Variants in FOSB observed in about 807,000 individuals in gnomAD.
The protein encoded by FOSB is protein FosB.
A neutral mutation model predicts 31.1 loss-of-function variants in FOSB; 8 were observed. The observed-to-expected ratio is 0.26, with a 90% CI of 0.15 to 0.46. The LOEUF is 0.46. FOSB is among the 20% of genes least tolerant of loss of function. FOSB has a pLI of 0.99. For synonymous variants in FOSB, 214 were observed against 206.1 expected (o/e 1.04, Z -0.33); for missense variants, 376 against 460.6 (o/e 0.82, Z 1.68).
At position 45,472,278 on chromosome 19, in the gene FOSB, A is replaced by G. The variant is rs1967706183; in HGVS notation, c.556-273A>G. Among the ~76,000 whole-genome samples, 1 of 152,190 alleles carries G rather than the reference A, an allele frequency of 6.6e-6. No homozygotes were observed. The highest frequency in any genetic ancestry group is 1.5e-5 in the Non-Finnish European group (1 of 68,032). The stretch of plus-strand genomic sequence containing the variant: ...CACATAACGATTGTTCATTCATTCA[A>G]CAAACCTCCTGCACACCAGAAACTT... On this transcript the variant is annotated intron_variant, in intron 3 of 3. Coordinates refer to ENST00000353609, the MANE Select transcript of FOSB (RefSeq NM_006732.3). The surrounding 1 kb of genome is among the most constrained non-coding windows in gnomAD (Gnocchi z 5.4).
In FOSB at chr19:45,471,024, G is replaced by A. The variant is rs780890753; in HGVS notation, c.447+75G>A. 1.1e-5 allele frequency: 16 copies of A among 1,458,642 alleles called. No homozygotes were observed. In the African/African-American group the frequency reaches 2.1e-4, roughly 19 times the overall value. The allele number at this position is 1,458,642 out of a possible 1,614,324, so 90.4% of individuals were successfully genotyped here. ...GCAGGAAGTTTCTTATGAATGGAGG[G>A]GGGCTCCACTAAGGCCTCAGTGTTA... On this transcript the variant is annotated intron_variant, in intron 2 of 3. Transcript: ENST00000353609.
Position 45,471,271 on chromosome 19 carries a change from G to T in FOSB, c.525G>T (p.Arg175=). 6.4e-7 allele frequency: 1 copy of T among 1,566,774 alleles called. No individual in the cohort carries two copies. Among genetic ancestry groups the T allele is most frequent in the South Asian group, 1.2e-5 (1 of 85,100 alleles). The change falls in exon 3 of 4, where the codon CGG becomes CGT. Residue 175 remains arginine (R), a synonymous_variant. Coordinates refer to ENST00000353609, the MANE Select transcript of FOSB (RefSeq NM_006732.3). ...TAGCAGCAGCTAAATGCAGGAACCG[G>T]CGGAGGGAGCTGACCGACCGACTCC... ...NKLAAAKCRN[R]RRELTDRLQA...
intron 3 of FOSB, chr19:45,471,719 A>G (rs1967681446): frequency 6.2e-6 from 1 of 162,454 alleles, no homozygotes; most frequent in South Asian, 1.6e-4. Flanking sequence ...GTGAAATGAA[A>G]TTATTCCACC....
intron 1 of FOSB, among the ~76,000 whole-genome samples, chr19:45,469,403 G>A (rs955919104): frequency 2.0e-5 from 3 of 152,246 alleles, no homozygotes; most frequent in Non-Finnish European, 4.4e-5. Context: ...TGGCCGCCGG[G>A]GCGCACGCCT....
Position 45,473,033 on chromosome 19 carries a change from A to G in FOSB, c.*21A>G. On this transcript the variant is annotated 3_prime_UTR_variant, in exon 4 of 4. Coordinates refer to ENST00000353609, the MANE Select transcript of FOSB (RefSeq NM_006732.3). ...TGTGAACTCTTTAGACACACAAAAC[A>G]AACAAACACATGGGGGAGAGAGACT... The G allele has an allele frequency of 1.9e-6, 3 of 1,584,694 alleles. No individual in the cohort carries two copies. The highest frequency in any genetic ancestry group is 2.6e-6 in the Non-Finnish European group (3 of 1,164,308).
At chr19:45,470,016 AT>A (rs925816790) in intron 1 of FOSB, 1 of 152,564 alleles carries the variant, frequency 6.6e-6, no homozygotes, top group African/African-American at 2.4e-5. Context: ...GGTTACTTTT[AT>A]CTACCTGTCC....
chr19:45,471,391 G>C (rs1157139521), intron 3 of FOSB, 90 bp downstream of exon 3: 10 of 969,950 alleles, frequency 1.0e-5, no homozygotes, highest in Non-Finnish European at 1.4e-5. Flanking sequence ...CCTTATCCTG[G>C]GTTGAGAACT....
At chr19:45,471,734 GC>G (rs1183804034) in intron 3 of FOSB, 1 of 160,932 alleles carries the variant, frequency 6.2e-6, no homozygotes, top group East Asian at 1.7e-4. Context: ...TCCACCTCCT[GC>G]CCTAGCCACC....
At position 45,468,824 on chromosome 19, in the gene FOSB, G is replaced by T. The variant is rs1011705077; in HGVS notation, c.126+112G>T. 2.6e-6 allele frequency: 3 copies of T among 1,172,558 alleles called. No individual in the cohort carries two copies. In the East Asian group the frequency reaches 7.8e-5, roughly 31 times the overall value. 72.6% of individuals were successfully genotyped at this position (1,172,558 alleles called of 1,614,324 possible). ...AGGCGCATCAGAACCCTAGATCTGA[G>T]ATGGAAAAGGCTCACAGCGCACTTT... On this transcript the variant is annotated intron_variant, in intron 1 of 3. Coordinates refer to ENST00000353609, the MANE Select transcript of FOSB (RefSeq NM_006732.3). The surrounding 1 kb of genome is among the most constrained non-coding windows in gnomAD (Gnocchi z 4.8).
intron 2 of FOSB, 108 bp downstream of exon 2, chr19:45,471,057 C>T: frequency 7.3e-7 from 1 of 1,364,708 alleles, no homozygotes; most frequent in South Asian, 1.2e-5. Flanking sequence ...TTACAGAAAC[C>T]CCAAGATCCT....
Position 45,472,451 on chromosome 19 carries a change from G to A in FOSB, c.556-100G>A. On this transcript the variant is annotated intron_variant, in intron 3 of 3. Coordinates refer to ENST00000353609, the MANE Select transcript of FOSB (RefSeq NM_006732.3). This position sits in a 1 kb window ranked among gnomAD's most constrained non-coding sequence, Gnocchi z 5.4. Reference sequence around the variant, plus strand: ...TTTCTCAGCCCGGGGCTGCCTTCCAGCAGCAAGTCCAAGGGAGCCATGACC... The same window carrying A: ...TTTCTCAGCCCGGGGCTGCCTTCCAACAGCAAGTCCAAGGGAGCCATGACC... 6 of 986,202 alleles carry A rather than the reference G, an allele frequency of 6.1e-6. No homozygotes were observed. Among genetic ancestry groups the A allele is most frequent in the Non-Finnish European group, 8.7e-6 (6 of 691,934 alleles). The allele number at this position is 986,202 out of a possible 1,614,324, so 61.1% of individuals were successfully genotyped here. A position where few individuals can be genotyped will look rare whatever the true frequency, so the allele number is the denominator to read the frequency against.
Position 45,472,646 on chromosome 19 carries a change from C to T in FOSB, c.651C>T (p.Ala217=), listed in dbSNP as rs1166148319. Residue 217 remains alanine (A), a synonymous_variant, in exon 4 of 4, where the codon GCC becomes GCT. Transcript: ENST00000353609. The surrounding 1 kb of genome is among the most constrained non-coding windows in gnomAD (Gnocchi z 5.4). The part of the protein sequence containing the change: ...EKERLEFVLV[A]HKPGCKIPYE... Reference sequence around the variant, plus strand: ...AACGTCTGGAGTTTGTGCTGGTGGCCCACAAACCGGGCTGCAAGATCCCCT... The same window carrying T: ...AACGTCTGGAGTTTGTGCTGGTGGCTCACAAACCGGGCTGCAAGATCCCCT... 5 of 1,589,586 alleles carry T rather than the reference C, an allele frequency of 3.1e-6. No homozygotes were observed. Among genetic ancestry groups the T allele is most frequent in the Non-Finnish European group, 4.3e-6 (5 of 1,170,044 alleles).
In FOSB at chr19:45,468,412, G is replaced by T; in HGVS notation, c.-175G>T. ...ACAGAAACTTTGCCATTGTTGGAAC[G>T]GGACGTTGCTCCTTCCCCGAGCTTC... On this transcript the variant is annotated 5_prime_UTR_variant, in exon 1 of 4. Coordinates refer to ENST00000353609, the MANE Select transcript of FOSB (RefSeq NM_006732.3). The surrounding 1 kb of genome is among the most constrained non-coding windows in gnomAD (Gnocchi z 4.8). 2 of 671,872 alleles carry T rather than the reference G, an allele frequency of 3.0e-6. No homozygotes were observed. Among genetic ancestry groups the T allele is most frequent in the Non-Finnish European group, 5.1e-6 (2 of 390,426 alleles). The allele number at this position is 671,872 out of a possible 1,614,324, so 41.6% of individuals were successfully genotyped here.
In FOSB at chr19:45,468,630, G is replaced by C; in HGVS notation, c.44G>C (p.Cys15Ser). Residue 15 changes from cysteine (C) to serine (S), a missense_variant, in exon 1 of 4, where the codon TGC (cysteine) becomes TCC (serine). This residue lies in a region of FOSB where 193 missense variants were observed against 207.1 expected (regional missense o/e 0.93). Coordinates refer to ENST00000353609, the MANE Select transcript of FOSB (RefSeq NM_006732.3). The surrounding 1 kb of genome is among the most constrained non-coding windows in gnomAD (Gnocchi z 4.8). ...GGAGACTACGACTCCGGCTCCCGGTGCAGCTCCTCACCCTCTGCCGAGTCT... is the reference window on the plus strand; with the variant it reads ...GGAGACTACGACTCCGGCTCCCGGTCCAGCTCCTCACCCTCTGCCGAGTCT... ...FPGDYDSGSR[C>S]SSSPSAESQY... 6.2e-7 allele frequency: 1 copy of C among 1,613,634 alleles called. No homozygotes were observed. The highest frequency in any genetic ancestry group is 8.5e-7 in the Non-Finnish European group (1 of 1,179,892).
chr19:45,468,732 G>T lies in FOSB; in HGVS notation c.126+20G>T, dbSNP rs1967505703. ...TCCCAGGTAAGTTTTTGATAGTAGG[G>T]GTGCTGCTTTGTAGGTTTTATTTTT... On this transcript the variant is annotated intron_variant, in intron 1 of 3. Coordinates refer to ENST00000353609, the MANE Select transcript of FOSB (RefSeq NM_006732.3). This position sits in a 1 kb window ranked among gnomAD's most constrained non-coding sequence, Gnocchi z 4.8. 6.3e-7 allele frequency: 1 copy of T among 1,585,528 alleles called. No homozygotes were observed. The highest frequency in any genetic ancestry group is 8.5e-7 in the Non-Finnish European group (1 of 1,170,612).
Position 45,472,696 on chromosome 19 carries a change from C to A in FOSB, c.701C>A (p.Pro234Gln), listed in dbSNP as rs768599286. ...IPYEEGPGPGPLAEVRDLPGS... is the reference protein window; with the variant it reads ...IPYEEGPGPGQLAEVRDLPGS... ...TACGAAGAGGGGCCCGGGCCGGGCC[C>A]GCTGGCGGAGGTGAGAGATTTGCCG... Residue 234 changes from proline to glutamine, a missense_variant, in exon 4 of 4, where the codon CCG becomes CAG. Coordinates refer to ENST00000353609, the MANE Select transcript of FOSB (RefSeq NM_006732.3). This position sits in a 1 kb window ranked among gnomAD's most constrained non-coding sequence, Gnocchi z 5.4. The A allele has an allele frequency of 6.2e-7, 1 of 1,608,562 alleles. No homozygotes were observed. Among genetic ancestry groups the A allele is most frequent in the Non-Finnish European group, 8.5e-7 (1 of 1,177,404 alleles).
chr19:45,468,700 C>G lies in FOSB; in HGVS notation c.114C>G (p.Ala38=). The G allele has an allele frequency of 6.2e-7, 1 of 1,606,204 alleles. No individual in the cohort carries two copies. Among genetic ancestry groups the G allele is most frequent in the Non-Finnish European group, 8.5e-7 (1 of 1,177,790 alleles). The change falls in exon 1 of 4, where the codon GCC becomes GCG. Residue 38 remains alanine (A), a synonymous_variant. Coordinates refer to ENST00000353609, the MANE Select transcript of FOSB (RefSeq NM_006732.3). The surrounding 1 kb of genome is among the most constrained non-coding windows in gnomAD (Gnocchi z 4.8). ...SVDSFGSPPT[A]AASQECAGLG... ...ACTCCTTCGGCAGTCCACCCACCGCCGCCGCCTCCCAGGTAAGTTTTTGAT... is the reference window on the plus strand; with the variant it reads ...ACTCCTTCGGCAGTCCACCCACCGCGGCCGCCTCCCAGGTAAGTTTTTGAT...
rs1487516069 is a variant in FOSB, at chr19:45,473,902, A to C, written c.*890A>C. ...CCTGCTGGAGTGATTTATACTGTGA[A>C]ATGAGTTGGCCAGATTGTGGGGTGC... On this transcript the variant is annotated 3_prime_UTR_variant, in exon 4 of 4. Transcript: ENST00000353609. 6.6e-6 allele frequency: 1 copy of C among 152,408 alleles called. No homozygotes were observed. Among genetic ancestry groups the C allele is most frequent in the Non-Finnish European group, 1.5e-5 (1 of 68,102 alleles). The allele number at this position is 152,408 out of a possible 1,614,324, so 9.4% of individuals were successfully genotyped here.
chr19:45,470,568 T>G (rs1421111790), intron 1 of FOSB, 61 bp from the exon 2 acceptor site: 3 of 1,462,218 alleles, frequency 2.1e-6, no homozygotes, highest in Non-Finnish European at 2.8e-6. Flanking sequence ...GTGTTGGGTG[T>G]GTGTGTGTCG....
Sources: gnomAD v4.1 joint callset for allele counts (sites outside exome capture counted in the v4.1 genomes callset) on GRCh38, gnomAD v4.1.1 for gene constraint, gnomAD v4.1.1 regional missense constraint, Gnocchi (gnomAD v3.1) non-coding constraint, MANE v1.5 for transcripts, NCBI Gene and HGNC (gene_info 2026-07-23, HGNC 2026-07-21) for gene names.